SLC24A2: variants seen among roughly 807,000 people sequenced by gnomAD.
SLC24A2 encodes the protein sodium/potassium/calcium exchanger 2.
A neutral mutation model predicts 62.0 loss-of-function variants in SLC24A2; 36 were observed. The ratio of observed to expected loss-of-function variants is 0.58; its 90% CI spans 0.44 to 0.77. The LOEUF (loss-of-function observed/expected upper bound fraction) is 0.77, where lower values mean the gene tolerates loss of function less well. SLC24A2 is among the 30% of genes least tolerant of loss of function. SLC24A2 has a pLI of 0.00. For missense variants in SLC24A2, 846 were observed against 817.9 expected (o/e 1.03, Z -0.42); for synonymous variants, 358 against 294.0 (o/e 1.22, Z -2.23).
intron 8 of SLC24A2, among the ~76,000 whole-genome samples, chr9:19,528,992 C>T (rs1189799362): frequency 6.6e-6 from 1 of 152,210 alleles, no homozygotes; most frequent in Non-Finnish European, 1.5e-5. Context: ...GTTTCTTACC[C>T]AGTCCCACTA....
the SLC24A2 span, among the ~76,000 whole-genome samples, chr9:20,119,095 A>C: frequency 2.6e-5 from 4 of 152,202 alleles, no homozygotes; most frequent in African/African-American, 9.6e-5. Context: ...GCCTTCAGAC[A>C]ACAGCCAGCA....
At chr9:19,882,664 T>TAAA in the SLC24A2 span, among the ~76,000 whole-genome samples, 3 of 140,928 alleles carry the variant, frequency 2.1e-5, no homozygotes, top group South Asian at 2.3e-4. Flanking sequence ...ATCTACAGGT[T>TAAA]AAAAAAAAAA....
At chr9:19,894,827 A>G in the SLC24A2 span, among the ~76,000 whole-genome samples, 12 of 152,328 alleles carry the variant, frequency 7.9e-5, no homozygotes, top group Admixed American at 7.8e-4. Flanking sequence ...GACTTCCATA[A>G]TACTCTTTGA....
chr9:19,826,290 T>C, the SLC24A2 span, among the ~76,000 whole-genome samples: 1 of 151,846 alleles, frequency 6.6e-6, no homozygotes, highest in Non-Finnish European at 1.5e-5. Context: ...CCTTCTGTTA[T>C]GGTATTAGCA....
chr9:19,553,602 TAA>T (rs1345454109), intron 7 of SLC24A2, among the ~76,000 whole-genome samples: 2 of 152,068 alleles, frequency 1.3e-5, no homozygotes, highest in South Asian at 2.1e-4. Context: ...TGTCAGAACT[TAA>T]AAGAGTCAGT....
chr9:20,062,557 T>A, the SLC24A2 span, among the ~76,000 whole-genome samples: 22 of 141,334 alleles, frequency 1.6e-4, no homozygotes, highest in South Asian at 9.8e-4. Context: ...AACCTAGGCA[T>A]TACCATTCAG....
chr9:19,842,183 G>A, the SLC24A2 span, among the ~76,000 whole-genome samples: 13 of 152,170 alleles, frequency 8.5e-5, no homozygotes, highest in African/African-American at 3.1e-4. Context: ...GCTTCTGTCA[G>A]CACCGCATCC....
rs145184700 is a variant in SLC24A2, at chr9:19,674,934, T to C, written c.931-52635A>G. 8.1e-3 allele frequency among the ~76,000 whole-genome samples: 1,235 copies of C among 152,272 alleles called. 22 individuals carry two copies. The highest frequency in any genetic ancestry group is 0.028 in the African/African-American group (1,172 of 41,550). ...CTTTTGGGAGTGTTAAAGAACCTTG[T>C]TTTGTCATATTACCAGGATTGTTTT... On this transcript the variant is annotated intron_variant, in intron 2 of 10. Coordinates refer to ENST00000341998, the MANE Select transcript of SLC24A2 (RefSeq NM_020344.4).
chr9:19,983,460 T>G, the SLC24A2 span, among the ~76,000 whole-genome samples: 2 of 152,206 alleles, frequency 1.3e-5, no homozygotes, highest in African/African-American at 2.4e-5. Context: ...CTGGCCAACA[T>G]GGTGAAACCC....
chr9:20,053,695 CA>C, the SLC24A2 span, among the ~76,000 whole-genome samples: 1 of 152,104 alleles, frequency 6.6e-6, no homozygotes, highest in Non-Finnish European at 1.5e-5. Flanking sequence ...TGGAGGTTTA[CA>C]GGAAAAAGAT....
rs773633669 is a variant in SLC24A2, at chr9:19,786,259, A to G, written c.608T>C (p.Val203Ala). 2 of 1,614,154 alleles carry G rather than the reference A, an allele frequency of 1.2e-6. No individual in the cohort carries two copies. The highest frequency in any genetic ancestry group is 1.1e-5 in the South Asian group (1 of 91,086). ...TGAACCTACAATTGTGCCTATGCCA[A>G]CGTTGCTGTGAGCGATAAATACCCC... Reference protein sequence around the residue: ...LIGVFIAHSNVGIGTIVGSAV... With the variant: ...LIGVFIAHSNAGIGTIVGSAV... The change falls in exon 2 of 11, where the codon GTT (valine) becomes GCT (alanine). Residue 203 changes from valine (V) to alanine (A), a missense_variant. Coordinates refer to ENST00000341998, the MANE Select transcript of SLC24A2 (RefSeq NM_020344.4). The surrounding 1 kb of genome is among the most constrained non-coding windows in gnomAD (Gnocchi z 5.0).
At chr9:19,672,907 A>G (rs1305559986) in intron 2 of SLC24A2, among the ~76,000 whole-genome samples, 1 of 146,494 alleles carries the variant, frequency 6.8e-6, no homozygotes, top group Admixed American at 6.7e-5. Context: ...AGTACTTGAT[A>G]AAACTTCAGT....
At chr9:20,278,807 T>C in the SLC24A2 span, among the ~76,000 whole-genome samples, 12 of 152,210 alleles carry the variant, frequency 7.9e-5, no homozygotes, top group African/African-American at 2.4e-4. Context: ...CATTTTCACA[T>C]ATCTTTACAA....
chr9:19,886,389 T>C, the SLC24A2 span, among the ~76,000 whole-genome samples: 1 of 152,148 alleles, frequency 6.6e-6, no homozygotes, highest in Non-Finnish European at 1.5e-5. Flanking sequence ...GTATGTCTTC[T>C]TTTGAAAAGT....
At chr9:19,836,901 A>C in the SLC24A2 span, among the ~76,000 whole-genome samples, 3 of 152,298 alleles carry the variant, frequency 2.0e-5, no homozygotes, top group East Asian at 3.9e-4. Flanking sequence ...GGCTTCATCC[A>C]TGGGATGCAA....
intron 2 of SLC24A2, among the ~76,000 whole-genome samples, chr9:19,680,126 G>A (rs1024033646): frequency 2.1e-5 from 2 of 93,546 alleles, no homozygotes; most frequent in Non-Finnish European, 5.1e-5. Flanking sequence ...AGAATTCACA[G>A]TCTACAGGGA....
chr9:20,287,831 A>G, the SLC24A2 span, among the ~76,000 whole-genome samples: 1 of 152,214 alleles, frequency 6.6e-6, no homozygotes, highest in Non-Finnish European at 1.5e-5. Context: ...CTCAGTTCAT[A>G]ACATGCTCCC....
At chr9:19,776,605 G>A (rs1434207875) in intron 2 of SLC24A2, among the ~76,000 whole-genome samples, 2 of 152,142 alleles carry the variant, frequency 1.3e-5, no homozygotes, top group African/African-American at 2.4e-5. Context: ...TTTTTCCCAT[G>A]CACGTTGTTC....
At chr9:19,695,176 G>A (rs1374388072) in intron 2 of SLC24A2, among the ~76,000 whole-genome samples, 1 of 152,056 alleles carries the variant, frequency 6.6e-6, no homozygotes, top group Non-Finnish European at 1.5e-5. Context: ...TAGGGAAGCT[G>A]CTAAACATCC....
Sources: allele counts gnomAD v4.1 joint callset (sites outside exome capture counted in the v4.1 genomes callset), GRCh38; gene constraint gnomAD v4.1.1; non-coding constraint Gnocchi (gnomAD v3.1); transcripts MANE v1.5; gene names NCBI Gene and HGNC (gene_info 2026-07-23, HGNC 2026-07-21).